Variants in RSRC2 observed in about 807,000 individuals in gnomAD.
The protein encoded by RSRC2 is arginine/serine-rich coiled-coil protein 2.
In RSRC2, 5 loss-of-function variants were observed where a neutral mutation model predicts 61.3. That is an observed-to-expected ratio of 0.08 (90% CI 0.04 to 0.17). The LOEUF is 0.17. Ranked by LOEUF, RSRC2 falls within the 10% of genes least tolerant of loss-of-function variation. The pLI is 1.00. For missense variants in RSRC2, 381 were observed against 518.8 expected, an observed-to-expected ratio of 0.73 and a Z score of 2.58; for synonymous variants, 202 against 166.5, an observed-to-expected ratio of 1.21 and a Z score of -1.64.
chr12:122,522,477 C>CGA, intron 1 of RSRC2, 178 bp from the exon 2 acceptor site: 1 of 503,640 alleles, frequency 2.0e-6, no homozygotes, highest in South Asian at 3.6e-5. Flanking sequence ...CTTGAAATGA[C>CGA]GAACCTGATA....
At chr12:122,520,379 T>G (rs906260977) in intron 3 of RSRC2, 1 of 560,982 alleles carries the variant, frequency 1.8e-6, no homozygotes, top group Non-Finnish European at 3.0e-6. Context: ...TCTAAAGGTT[T>G]TAAAGTTTAT....
chr12:122,514,581 T>TAAA lies in RSRC2; in HGVS notation c.725+521_725+523dup, dbSNP rs79986881. On this transcript the variant is annotated intron_variant, in intron 6 of 9. Coordinates refer to ENST00000331738, the MANE Select transcript of RSRC2 (RefSeq NM_023012.6). The stretch of plus-strand genomic sequence containing the variant: ...GCACCCGGCCGAAACAGCAGAAAAT[T>TAAA]AAAAAAAAAAAAAAAAAGTTCTCCC... 211 of 915,476 alleles carry TAAA rather than the reference T, an allele frequency of 2.3e-4. No individual in the cohort carries two copies. The African/African-American group carries it at 3.5e-3, about 15-fold the overall frequency. 56.7% of individuals were successfully genotyped at this position (915,476 alleles called of 1,614,324 possible). A position where few individuals can be genotyped will look rare whatever the true frequency, so the allele number is the denominator to read the frequency against.
intron 6 of RSRC2, among the ~76,000 whole-genome samples, chr12:122,512,931 G>A (rs1204820007): frequency 6.6e-6 from 1 of 152,064 alleles, no homozygotes; most frequent in Admixed American, 6.6e-5. Context: ...GGTGGCTCAT[G>A]CCTGTAATCC....
At chr12:122,523,483 C>G (rs1959550322) in intron 1 of RSRC2, 1 of 152,244 alleles carries the variant, frequency 6.6e-6, no homozygotes, top group East Asian at 1.9e-4. Flanking sequence ...GCCACTGCCC[C>G]TCCAGCCTGG....
Position 122,514,639 on chromosome 12 carries a change from A to T in RSRC2, c.725+466T>A, listed in dbSNP as rs1041571005. ...CCAGGAATAAAACTTACAAGATCAA[A>T]TAAATTAGCTTATAATGTATTATCT... On this transcript the variant is annotated intron_variant, in intron 6 of 9. Transcript: ENST00000331738. The T allele has an allele frequency of 3.8e-6, 4 of 1,047,776 alleles. No homozygotes were observed. In the East Asian group the frequency reaches 3.3e-4, roughly 86 times the overall value. 64.9% of individuals were successfully genotyped at this position (1,047,776 alleles called of 1,614,324 possible).
At chr12:122,507,059 G>A (rs1203465688) in intron 8 of RSRC2, 136 bp from the exon 9 acceptor site, 1 of 674,574 alleles carries the variant, frequency 1.5e-6, no homozygotes, top group East Asian at 2.8e-5. Context: ...ATTATTTCAA[G>A]ACTTAAGAAA....
intron 6 of RSRC2, among the ~76,000 whole-genome samples, chr12:122,514,171 GT>G (rs1278877939): frequency 6.6e-6 from 1 of 151,602 alleles, no homozygotes; most frequent in Non-Finnish European, 1.5e-5. Context: ...TCTTTGAATA[GT>G]TTTGCAGATT....
intron 4 of RSRC2, among the ~76,000 whole-genome samples, 184 bp from the exon 5 acceptor site, chr12:122,517,614 TGATA>T (rs1959036844): frequency 2.0e-5 from 3 of 152,338 alleles, no homozygotes; most frequent in South Asian, 4.1e-4. Context: ...TCATTTTGTT[TGATA>T]ATTTGTCCTA....
chr12:122,517,471 G>T, intron 4 of RSRC2, 41 bp from the exon 5 acceptor site: 1 of 1,612,140 alleles, frequency 6.2e-7, no homozygotes, highest in African/African-American at 1.3e-5. Context: ...CTTAAAAGTT[G>T]TGTTGTTTCA....
At chr12:122,509,402 A>T (rs1325124224) in intron 7 of RSRC2, among the ~76,000 whole-genome samples, 1 of 151,326 alleles carries the variant, frequency 6.6e-6, no homozygotes, top group Non-Finnish European at 1.5e-5. Context: ...GTGAGTCAGG[A>T]TTGTGCCACT....
intron 5 of RSRC2, 81 bp downstream of exon 5, chr12:122,517,146 T>C: frequency 6.3e-7 from 1 of 1,588,368 alleles, no homozygotes; most frequent in Non-Finnish European, 8.6e-7. Flanking sequence ...TGACTCACAA[T>C]TTTAATACTC....
chr12:122,508,309 G>A lies in RSRC2; in HGVS notation c.944C>T (p.Pro315Leu). 1 of 1,614,130 alleles carries A rather than the reference G, an allele frequency of 6.2e-7. No individual in the cohort carries two copies. The highest frequency in any genetic ancestry group is 8.5e-7 in the Non-Finnish European group (1 of 1,180,022). ...AACAGCGGCTGGGTTATAGTAGCTA[G>A]GAACAGCTATTCCTGTCTCTGCCAA... ...KALAETGIAV[P>L]SYYNPAAVNP... The change falls in exon 8 of 10, where the codon CCT becomes CTT. Residue 315 changes from proline (P) to leucine (L), a missense_variant. By Grantham distance (98) the Pro-to-Leu change is moderately conservative (BLOSUM62 -3). Transcript: ENST00000331738.
At chr12:122,522,114 G>C in intron 2 of RSRC2, 29 bp downstream of exon 2, 2 of 1,591,954 alleles carry the variant, frequency 1.3e-6, no homozygotes, top group Non-Finnish European at 1.7e-6. Context: ...CAAATGCTGA[G>C]AGTTGTAACC....
intron 5 of RSRC2, 49 bp from the exon 6 acceptor site, chr12:122,515,276 A>ATTTT (rs764402072): frequency 1.3e-6 from 2 of 1,564,686 alleles, no homozygotes; most frequent in Non-Finnish European, 1.7e-6. Flanking sequence ...AGTCATAACT[A>ATTTT]TTTTGTTAAT....
intron 2 of RSRC2, 136 bp downstream of exon 2, chr12:122,522,007 C>G: frequency 1.1e-6 from 1 of 873,350 alleles, no homozygotes; most frequent in East Asian, 2.7e-5. Context: ...CCTGCCTTGG[C>G]CTCCCAAAGT....
At chr12:122,515,826 C>T (rs934941556) in intron 5 of RSRC2, among the ~76,000 whole-genome samples, 1 of 152,020 alleles carries the variant, frequency 6.6e-6, no homozygotes, top group Non-Finnish European at 1.5e-5. Context: ...CCCGTCTCTA[C>T]AAAAACACAA....
intron 1 of RSRC2, among the ~76,000 whole-genome samples, chr12:122,526,475 C>G (rs1162007679): frequency 6.6e-6 from 1 of 152,078 alleles, no homozygotes; most frequent in South Asian, 2.1e-4. Context: ...CACTCCTGAT[C>G]GTCTTTCTCT....
At chr12:122,522,333 A>C in intron 1 of RSRC2, 34 bp from the exon 2 acceptor site, 1 of 1,545,630 alleles carries the variant, frequency 6.5e-7, no homozygotes, top group African/African-American at 1.4e-5. Context: ...TAAAGTTCTT[A>C]ATTACATTTT....
chr12:122,511,561 TGAGG>T (rs1299906190), intron 6 of RSRC2, among the ~76,000 whole-genome samples: 3 of 152,330 alleles, frequency 2.0e-5, no homozygotes, highest in South Asian at 4.1e-4. Context: ...AAATGTTTCT[TGAGG>T]GAGAAAAAGC....
Sources: gnomAD v4.1 joint callset for allele counts (sites outside exome capture counted in the v4.1 genomes callset) on GRCh38, gnomAD v4.1.1 for gene constraint, MANE v1.5 for transcripts, NCBI Gene and HGNC (gene_info 2026-07-23, HGNC 2026-07-21) for gene names.